Variants in NRG1 observed in about 807,000 individuals in gnomAD.
The protein encoded by NRG1 is neuregulin 1, also known as pro-neuregulin-1, membrane-bound isoform.
A neutral mutation model predicts 63.8 loss-of-function variants in NRG1; 18 were observed. The observed-to-expected ratio is 0.28, with a 90% CI of 0.19 to 0.42. NRG1 has a LOEUF of 0.42. Ranked by LOEUF, NRG1 falls within the 10% of genes least tolerant of loss-of-function variation. The pLI, the probability that NRG1 is intolerant of heterozygous loss-of-function variation, is 1.00. For missense variants in NRG1, 762 were observed against 814.7 expected (o/e 0.94, Z 0.79); for synonymous variants, 302 against 301.3 (o/e 1.00, Z -0.02).
rs192819126 is a variant in NRG1, at chr8:32,601,791, T to C, written c.279-3771T>C. Among the ~76,000 whole-genome samples, 75 of 152,210 alleles carry C rather than the reference T, an allele frequency of 4.9e-4. 1 individual carries two copies. The highest frequency in any genetic ancestry group is 1.7e-3 in the African/African-American group (72 of 41,550). On this transcript the variant is annotated intron_variant, in intron 2 of 11. Coordinates refer to ENST00000356819, the Ensembl canonical transcript of NRG1. ...ATAATTCAGCATTCTAGATATGATC[T>C]AGCCGATGAGGAATGTATTGGGGCT... is the stretch of plus-strand genomic sequence containing the variant.
At chr8:31,660,691 T>C (rs187612123) in intron 1 of NRG1, among the ~76,000 whole-genome samples, 1 of 152,318 alleles carries the variant, frequency 6.6e-6, no homozygotes, top group Admixed American at 6.5e-5. Flanking sequence ...AATGTAAACA[T>C]ATGTATTGAC....
intron 1 of NRG1, among the ~76,000 whole-genome samples, chr8:32,123,134 T>C (rs1047985209): frequency 3.3e-5 from 5 of 151,986 alleles, no homozygotes; most frequent in African/African-American, 1.2e-4. Flanking sequence ...TCACAGTGAT[T>C]CCATGTGTAG....
chr8:31,938,505 A>G (rs1801270638), intron 1 of NRG1, among the ~76,000 whole-genome samples: 1 of 152,120 alleles, frequency 6.6e-6, no homozygotes, highest in Non-Finnish European at 1.5e-5. Flanking sequence ...AAGGTTATTT[A>G]ACACCCCCCA....
intron 1 of NRG1, among the ~76,000 whole-genome samples, chr8:32,506,833 T>C (rs966426610): frequency 2.0e-5 from 3 of 151,880 alleles, no homozygotes; most frequent in East Asian, 1.9e-4. Flanking sequence ...TGAGCTGTGA[T>C]TGCACCACCG....
intron 1 of NRG1, among the ~76,000 whole-genome samples, chr8:31,649,500 C>T (rs994450026): frequency 2.0e-5 from 3 of 152,188 alleles, no homozygotes; most frequent in South Asian, 2.1e-4. Context: ...CTGTCATTAA[C>T]AAGAAGCAAA....
chr8:32,083,824 T>TGG (rs1827852572), intron 1 of NRG1, among the ~76,000 whole-genome samples: 2 of 152,184 alleles, frequency 1.3e-5, no homozygotes, highest in African/African-American at 4.8e-5. Context: ...GTAGTTCAAT[T>TGG]GGATATTTAC....
At chr8:31,834,303 GCGCGCACAC>G in intron 1 of NRG1, among the ~76,000 whole-genome samples, 1 of 15,280 alleles carries the variant, frequency 6.5e-5, no homozygotes, top group African/African-American at 1.1e-4. Flanking sequence ...GTGCGCGCAC[GCGCGCACAC>G]ACACACACAC....
At chr8:32,706,138 CA>C (rs1413989818) in intron 5 of NRG1, among the ~76,000 whole-genome samples, 1 of 152,144 alleles carries the variant, frequency 6.6e-6, no homozygotes. Context: ...AGCAGTTTCA[CA>C]AAAACTAAAT....
At chr8:31,854,399 A>G (rs1176683092) in intron 1 of NRG1, among the ~76,000 whole-genome samples, 1 of 152,200 alleles carries the variant, frequency 6.6e-6, no homozygotes, top group Non-Finnish European at 1.5e-5. Flanking sequence ...TTATTTGCGT[A>G]GAGGTGTTTG....
chr8:32,024,872 A>G (rs1816999105), intron 1 of NRG1, among the ~76,000 whole-genome samples: 1 of 152,242 alleles, frequency 6.6e-6, no homozygotes, highest in Non-Finnish European at 1.5e-5. Context: ...TTCAGTTTAT[A>G]TACTGTCTTT....
At chr8:32,176,199 A>T (rs1195161541) in intron 1 of NRG1, among the ~76,000 whole-genome samples, 1 of 152,248 alleles carries the variant, frequency 6.6e-6, no homozygotes, top group Non-Finnish European at 1.5e-5. Context: ...CTGATCTTTG[A>T]CAAACCTGAG....
chr8:32,710,909 G>A (rs1168547131), intron 5 of NRG1, among the ~76,000 whole-genome samples: 2 of 152,138 alleles, frequency 1.3e-5, no homozygotes, highest in African/African-American at 4.8e-5. Flanking sequence ...AAACTAAAAT[G>A]CATCAGTTTG....
At chr8:32,045,416 A>G (rs1366716044) in intron 1 of NRG1, among the ~76,000 whole-genome samples, 2 of 151,990 alleles carry the variant, frequency 1.3e-5, no homozygotes, top group Admixed American at 1.3e-4. Flanking sequence ...GAGTTGATCT[A>G]TAGATTTAAT....
At chr8:32,446,401 T>C (rs903643102) in intron 1 of NRG1, among the ~76,000 whole-genome samples, 7 of 152,204 alleles carry the variant, frequency 4.6e-5, no homozygotes, top group Non-Finnish European at 1.0e-4. Context: ...ATGCTTGTAA[T>C]CTCAGCACTT....
chr8:31,943,462 A>G (rs1802067935), intron 1 of NRG1, among the ~76,000 whole-genome samples: 1 of 152,062 alleles, frequency 6.6e-6, no homozygotes, highest in Non-Finnish European at 1.5e-5. Context: ...GCTGCACCAA[A>G]ATTTCAGAAA....
chr8:32,394,485 A>AT (rs1587343237), intron 1 of NRG1, among the ~76,000 whole-genome samples: 1 of 152,110 alleles, frequency 6.6e-6, no homozygotes, highest in Non-Finnish European at 1.5e-5. Flanking sequence ...GTCCCTTGAG[A>AT]TTTTGCCTAA....
At chr8:32,323,137 C>T (rs1388561118) in intron 1 of NRG1, among the ~76,000 whole-genome samples, 1 of 152,048 alleles carries the variant, frequency 6.6e-6, no homozygotes, top group African/African-American at 2.4e-5. Context: ...ATGAGGTCAC[C>T]TCTGATTCCT....
intron 1 of NRG1, among the ~76,000 whole-genome samples, chr8:32,231,733 CT>C (rs1282477322): frequency 4.0e-5 from 6 of 151,764 alleles, no homozygotes; most frequent in Non-Finnish European, 8.8e-5. Flanking sequence ...AACTCCTTCT[CT>C]ACTAAAAATA....
At chr8:32,291,462 C>A (rs972515826) in intron 1 of NRG1, among the ~76,000 whole-genome samples, 1 of 150,292 alleles carries the variant, frequency 6.7e-6, no homozygotes, top group Non-Finnish European at 1.5e-5. Flanking sequence ...TTAAATGAAA[C>A]GATAAATCAT....
Sources: gnomAD v4.1 joint callset for allele counts (sites outside exome capture counted in the v4.1 genomes callset) on GRCh38, gnomAD v4.1.1 for gene constraint, MANE v1.5 for transcripts, NCBI Gene and HGNC (gene_info 2026-07-23, HGNC 2026-07-21) for gene names.